The following TMTC1 variants were observed in gnomAD, a reference collection of about 807,000 sequenced individuals.
TMTC1 encodes the protein transmembrane O-mannosyltransferase targeting cadherins 1, also known as protein O-mannosyl-transferase TMTC1.
TMTC1 carries 73 observed loss-of-function variants against 104.8 expected under a neutral mutation model. That is an observed-to-expected ratio of 0.70 (90% CI 0.58 to 0.85). The LOEUF is 0.85. TMTC1 is among the 40% of genes least tolerant of loss of function. The pLI is 0.00. For synonymous variants in TMTC1, 434 were observed against 428.7 expected (o/e 1.01, Z -0.15); for missense variants, 1,035 against 1,096.1 (o/e 0.94, Z 0.79).
At chr12:29,623,367 T>G (rs2136467413) in intron 6 of TMTC1, among the ~76,000 whole-genome samples, 1 of 152,322 alleles carries the variant, frequency 6.6e-6, no homozygotes, top group African/African-American at 2.4e-5. Flanking sequence ...AAAATACAAA[T>G]GCATTAGGAA....
intron 7 of TMTC1, among the ~76,000 whole-genome samples, chr12:29,599,881 C>CATATATATGTGTATATATACATGTGT (rs1176332143): frequency 2.0e-5 from 3 of 146,364 alleles, no homozygotes; most frequent in South Asian, 4.3e-4. Flanking sequence ...TTGAGTACAC[C>CATATATATGTGTATATATACATGTGT]ATATATATGT....
intron 11 of TMTC1, chr12:29,534,265 T>A (rs1308073918): frequency 6.6e-6 from 1 of 152,234 alleles, no homozygotes; most frequent in African/African-American, 2.4e-5. Context: ...ATGTTGAAAG[T>A]CAGAGAGGGG....
chr12:29,520,240 G>C (rs965830186), intron 12 of TMTC1, among the ~76,000 whole-genome samples: 1 of 152,170 alleles, frequency 6.6e-6, no homozygotes, highest in African/African-American at 2.4e-5. Context: ...ATATGTTATA[G>C]AAAAGTATTT....
At chr12:29,507,056 T>A in intron 17 of TMTC1, 70 bp from the exon 18 acceptor site, 1 of 1,338,076 alleles carries the variant, frequency 7.5e-7, no homozygotes, top group Non-Finnish European at 1.1e-6. Flanking sequence ...ATGAAGAGAC[T>A]AAGAAACTGA....
intron 2 of TMTC1, among the ~76,000 whole-genome samples, chr12:29,764,852 G>A (rs189799415): frequency 3.0e-4 from 46 of 152,048 alleles, no homozygotes; most frequent in Admixed American, 1.4e-3. Flanking sequence ...TTGCTAATAG[G>A]ATTTTCCTCT....
At chr12:29,595,006 T>C (rs1192125133) in intron 7 of TMTC1, among the ~76,000 whole-genome samples, 1 of 152,194 alleles carries the variant, frequency 6.6e-6, no homozygotes, top group Non-Finnish European at 1.5e-5. Flanking sequence ...CCAATCTCAT[T>C]TGCACGAGGT....
intron 7 of TMTC1, among the ~76,000 whole-genome samples, chr12:29,585,657 T>C (rs2136337126): frequency 6.6e-6 from 1 of 150,606 alleles, no homozygotes; most frequent in East Asian, 1.9e-4. Flanking sequence ...GCTTTCTACA[T>C]ATGGCTAGCC....
chr12:29,759,313 T>G (rs1244412431), intron 2 of TMTC1, among the ~76,000 whole-genome samples: 1 of 150,762 alleles, frequency 6.6e-6, no homozygotes, highest in Non-Finnish European at 1.5e-5. Flanking sequence ...CTGGACAACA[T>G]GGCAAAACCC....
downstream of TMTC1, chr12:29,500,813 T>C (rs998309596): frequency 6.6e-6 from 1 of 152,606 alleles, no homozygotes; most frequent in Non-Finnish European, 1.5e-5. Flanking sequence ...AACCATGAAG[T>C]ACTTGAGAGA....
At chr12:29,575,166 C>A (rs1945787763) in intron 8 of TMTC1, among the ~76,000 whole-genome samples, 1 of 151,994 alleles carries the variant, frequency 6.6e-6, no homozygotes, top group Non-Finnish European at 1.5e-5. Context: ...AGTTTCTGTT[C>A]CCTCACCTGA....
chr12:29,528,773 T>C (rs1565648148), intron 11 of TMTC1, among the ~76,000 whole-genome samples: 1 of 152,134 alleles, frequency 6.6e-6, no homozygotes, highest in Non-Finnish European at 1.5e-5. Context: ...TCCAAAGAAC[T>C]TTCCATTTAT....
At chr12:29,666,196 C>T (rs893721132) in intron 5 of TMTC1, 6 of 431,112 alleles carry the variant, frequency 1.4e-5, no homozygotes, top group Non-Finnish European at 2.3e-5. Flanking sequence ...TAAACATCTA[C>T]CCCTTTTCTT....
chr12:29,564,666 G>C (rs908035237), intron 9 of TMTC1, among the ~76,000 whole-genome samples: 1 of 152,074 alleles, frequency 6.6e-6, no homozygotes, highest in Admixed American at 6.6e-5. Context: ...TGAGTAATGA[G>C]AGAAAATAAG....
At chr12:29,703,298 T>C (rs1941652895) in intron 5 of TMTC1, among the ~76,000 whole-genome samples, 2 of 152,204 alleles carry the variant, frequency 1.3e-5, no homozygotes, top group Admixed American at 6.5e-5. Context: ...TTTACTCCCA[T>C]GTATCAACCT....
At chr12:29,663,574 T>C (rs1940133727) in intron 5 of TMTC1, among the ~76,000 whole-genome samples, 2 of 151,992 alleles carry the variant, frequency 1.3e-5, no homozygotes, top group African/African-American at 4.8e-5. Flanking sequence ...TAGAGTGTAG[T>C]GGCGTGATCT....
chr12:29,565,900 TC>T (rs1480293243), intron 9 of TMTC1, among the ~76,000 whole-genome samples: 2 of 152,218 alleles, frequency 1.3e-5, no homozygotes, highest in Non-Finnish European at 2.9e-5. Flanking sequence ...GTAGCATTGT[TC>T]CATTCAACAA....
At chr12:29,524,556 A>C (rs1944281017) in intron 11 of TMTC1, among the ~76,000 whole-genome samples, 1 of 152,180 alleles carries the variant, frequency 6.6e-6, no homozygotes, top group Non-Finnish European at 1.5e-5. Context: ...ATGAGGGATG[A>C]ATTGTAATCA....
chr12:29,589,550 C>T (rs1460257438), intron 7 of TMTC1, among the ~76,000 whole-genome samples: 1 of 152,214 alleles, frequency 6.6e-6, no homozygotes, highest in East Asian at 1.9e-4. Context: ...CTACTTTCTT[C>T]CCAACTACTG....
At chr12:29,538,788 G>C (rs1489830230) in intron 10 of TMTC1, among the ~76,000 whole-genome samples, 1 of 152,166 alleles carries the variant, frequency 6.6e-6, no homozygotes, top group Non-Finnish European at 1.5e-5. Flanking sequence ...AATCCTGTGA[G>C]AGACTAACAG....
Sources: gnomAD v4.1 joint callset for allele counts (sites outside exome capture counted in the v4.1 genomes callset) on GRCh38, gnomAD v4.1.1 for gene constraint, MANE v1.5 for transcripts, NCBI Gene and HGNC (gene_info 2026-07-23, HGNC 2026-07-21) for gene names.